Variants in AGMO observed in about 807,000 individuals in gnomAD.
The protein encoded by AGMO is alkylglycerol monooxygenase.
A neutral mutation model predicts 60.2 loss-of-function variants in AGMO; 75 were observed. That is an observed-to-expected ratio of 1.25 (90% CI 1.03 to 1.51). The LOEUF is 1.51. AGMO is among the 40% of genes most tolerant of loss of function. AGMO has a pLI of 0.00. For synonymous variants in AGMO, 261 were observed against 177.1 expected, an observed-to-expected ratio of 1.47 and a Z score of -3.76; for missense variants, 763 against 525.5, an observed-to-expected ratio of 1.45 and a Z score of -4.42.
chr7:15,324,353 G>C (rs1451860375), intron 12 of AGMO, among the ~76,000 whole-genome samples: 3 of 152,130 alleles, frequency 2.0e-5, no homozygotes, highest in African/African-American at 4.8e-5. Flanking sequence ...AGATCCCAAG[G>C]TCAGCTCTCC....
chr7:15,423,111 T>C (rs1178725625), intron 4 of AGMO, among the ~76,000 whole-genome samples: 3 of 152,182 alleles, frequency 2.0e-5, no homozygotes, highest in African/African-American at 7.2e-5. Flanking sequence ...TTTTAATAGT[T>C]GAAAAATATT....
chr7:15,387,265 A>C, intron 9 of AGMO, 141 bp downstream of exon 9: 2 of 915,400 alleles, frequency 2.2e-6, no homozygotes, highest in East Asian at 4.9e-5. Context: ...TCATTAAGTA[A>C]GTTATGCACC....
intron 12 of AGMO, among the ~76,000 whole-genome samples, chr7:15,263,964 A>G (rs1187673374): frequency 6.6e-6 from 1 of 152,092 alleles, no homozygotes; most frequent in East Asian, 1.9e-4. Context: ...GCTACAGAGT[A>G]CACTGCTTGG....
chr7:15,311,474 G>T (rs1780768011), intron 12 of AGMO, among the ~76,000 whole-genome samples: 1 of 151,772 alleles, frequency 6.6e-6, no homozygotes, highest in Admixed American at 6.6e-5. Context: ...TTAGGCCTGA[G>T]CAGAGGTAGT....
chr7:15,157,438 C>A, the AGMO span, among the ~76,000 whole-genome samples: 2 of 152,160 alleles, frequency 1.3e-5, no homozygotes, highest in Non-Finnish European at 2.9e-5. Flanking sequence ...GCATTTTGTA[C>A]GTGTCAACTT....
chr7:15,361,929 TACCAATATATAC>T (rs1481802485), intron 12 of AGMO, among the ~76,000 whole-genome samples: 1 of 152,144 alleles, frequency 6.6e-6, no homozygotes, highest in African/African-American at 2.4e-5. Flanking sequence ...AAGCTGATGC[TACCAATATATAC>T]AACATTGATT....
intron 5 of AGMO, chr7:15,396,243 G>A (rs897161089): frequency 1.3e-5 from 2 of 152,374 alleles, no homozygotes; most frequent in South Asian, 2.1e-4. Context: ...GACCCTCGCA[G>A]TGAGTGCTAC....
At chr7:15,409,123 T>G (rs1784776226) in intron 5 of AGMO, among the ~76,000 whole-genome samples, 1 of 151,860 alleles carries the variant, frequency 6.6e-6, no homozygotes, top group South Asian at 2.1e-4. Flanking sequence ...TGAAAGGAAT[T>G]TAGACTTTAT....
rs557115921 is a variant in AGMO, at chr7:15,395,098, T to C, written c.610-919A>G. ...ACCAACCATGGCAGATACCAAGATA[T>C]TTTACTTTTCTTTATTCACAATCTA... On this transcript the variant is annotated intron_variant, in intron 5 of 12. Transcript: ENST00000342526. Among the ~76,000 whole-genome samples the C allele has an allele frequency of 3.9e-5, 6 of 152,328 alleles. No individual in the cohort carries two copies. In the East Asian group the frequency reaches 9.6e-4, roughly 24 times the overall value.
rs1169852565 is a variant in AGMO, at chr7:15,408,873, T to C, written c.609+9685A>G. 1.3e-5 allele frequency among the ~76,000 whole-genome samples: 2 copies of C among 151,850 alleles called. 1 individual carries two copies. The highest frequency in any genetic ancestry group is 1.3e-4 in the Admixed American group (2 of 15,196). ...CTAACACATGGTCTGAGCTATATAGTGGTTTGTTCTTAACAGGGGAAACAT... is the reference window on the plus strand; with the variant it reads ...CTAACACATGGTCTGAGCTATATAGCGGTTTGTTCTTAACAGGGGAAACAT... On this transcript the variant is annotated intron_variant, in intron 5 of 12. Transcript: ENST00000342526.
intron 3 of AGMO, among the ~76,000 whole-genome samples, chr7:15,494,580 A>T (rs1171698469): frequency 2.0e-5 from 3 of 152,188 alleles, no homozygotes; most frequent in African/African-American, 7.2e-5. Context: ...ATGCTCCTGG[A>T]CCATGTGCCA....
intron 12 of AGMO, among the ~76,000 whole-genome samples, chr7:15,265,008 A>G (rs1563060547): frequency 6.6e-6 from 1 of 152,148 alleles, no homozygotes; most frequent in Admixed American, 6.6e-5. Flanking sequence ...ACTATTCACA[A>G]GAGCAAAGAC....
At chr7:15,213,742 A>C (rs1781660271) in intron 12 of AGMO, among the ~76,000 whole-genome samples, 1 of 151,970 alleles carries the variant, frequency 6.6e-6, no homozygotes, top group East Asian at 1.9e-4. Flanking sequence ...AAATTTTACA[A>C]AGTTAGGATA....
chr7:15,431,162 C>T, intron 3 of AGMO, 54 bp from the exon 4 acceptor site: 1 of 1,296,872 alleles, frequency 7.7e-7, no homozygotes. Flanking sequence ...AAGCAACTTC[C>T]ATTTTCAGTT....
chr7:15,493,263 T>A lies in AGMO; in HGVS notation c.409+51509A>T, dbSNP rs962346686. Among the ~76,000 whole-genome samples, 13 of 151,828 alleles carry A rather than the reference T, an allele frequency of 8.6e-5. No homozygotes were observed. In the East Asian group the frequency reaches 2.5e-3, roughly 29 times the overall value. ...TTTTTTTGCGTTTTGTCCATATGTT[T>A]TGTTAGTCTCATTCTTTCTTTCTCT... On this transcript the variant is annotated intron_variant, in intron 3 of 12. Transcript: ENST00000342526.
intron 12 of AGMO, among the ~76,000 whole-genome samples, chr7:15,211,475 G>A (rs935116406): frequency 6.6e-6 from 1 of 151,810 alleles, no homozygotes; most frequent in African/African-American, 2.4e-5. Context: ...AAACTTTAGT[G>A]GGTAACTATT....
chr7:15,351,531 G>C (rs1469913149), intron 12 of AGMO, among the ~76,000 whole-genome samples: 1 of 152,100 alleles, frequency 6.6e-6, no homozygotes, highest in Admixed American at 6.6e-5. Context: ...GAAAAAAGCA[G>C]ACATCTAGGA....
At chr7:15,334,177 T>G (rs1454138463) in intron 12 of AGMO, among the ~76,000 whole-genome samples, 6 of 151,918 alleles carry the variant, frequency 3.9e-5, no homozygotes, top group African/African-American at 1.4e-4. Context: ...AAAGAGAAAA[T>G]AAGGATTCAC....
chr7:15,392,208 C>G (rs545880562), intron 6 of AGMO, among the ~76,000 whole-genome samples: 1 of 151,800 alleles, frequency 6.6e-6, no homozygotes, highest in African/African-American at 2.4e-5. Context: ...TAGCTGCGAC[C>G]GCAGGTGCCG....
Sources: gnomAD v4.1 joint callset for allele counts (sites outside exome capture counted in the v4.1 genomes callset) on GRCh38, gnomAD v4.1.1 for gene constraint, MANE v1.5 for transcripts, NCBI Gene and HGNC (gene_info 2026-07-23, HGNC 2026-07-21) for gene names.